Variants in SUSD4 observed in about 807,000 individuals in gnomAD.
The protein encoded by SUSD4 is sushi domain containing 4.
A neutral mutation model predicts 50.5 loss-of-function variants in SUSD4; 41 were observed. The observed-to-expected ratio is 0.81, with a 90% confidence interval of 0.63 to 1.05. The LOEUF (loss-of-function observed/expected upper bound fraction) is 1.05, where lower values mean the gene tolerates loss of function less well. SUSD4 is among the 50% of genes least tolerant of loss of function. The probability of loss-of-function intolerance (pLI) is 0.00; values close to 1 mark genes in which losing one functional copy is unlikely to be tolerated. For synonymous variants in SUSD4, 257 were observed against 257.3 expected (o/e 1.00, Z 0.01); for missense variants, 580 against 634.7 (o/e 0.91, Z 0.93).
Position 223,360,705 on chromosome 1 carries a change from G to A in SUSD4, c.148+2573C>T, listed in dbSNP as rs533319447. On this transcript the variant is annotated intron_variant, in intron 2 of 8. Transcript: ENST00000366878. Reference sequence around the variant, plus strand: ...GCTTTTTTTTTCTCCTAGCTGAGACGATTATATCTTGCCATTGCGGTGTTC... The same window carrying A: ...GCTTTTTTTTTCTCCTAGCTGAGACAATTATATCTTGCCATTGCGGTGTTC... Among the ~76,000 whole-genome samples the A allele has an allele frequency of 1.2e-4, 18 of 151,870 alleles. 1 individual carries two copies. The highest frequency in any genetic ancestry group is 4.6e-4 in the Admixed American group (7 of 15,274).
upstream of SUSD4, chr1:223,364,219 T>A (rs1042024040): frequency 4.0e-5 from 6 of 148,718 alleles, no homozygotes; most frequent in Admixed American, 1.3e-4. The surrounding 1 kb of genome is among the most constrained non-coding windows in gnomAD (Gnocchi z 4.5). Flanking sequence ...GCGCGCTCCC[T>A]CCCCAGGCGC....
chr1:223,363,437 A>G lies in SUSD4; in HGVS notation c.-12T>C, dbSNP rs567117963. 6.5e-6 allele frequency: 10 copies of G among 1,537,108 alleles called. No individual in the cohort carries two copies. In the South Asian group the frequency reaches 1.2e-4, roughly 19 times the overall value. ...ATTCCATGATACATCTTTCATCCACAGAGGGCATCCAGCTTGCAAGAGTCT... is the reference window on the plus strand; with the variant it reads ...ATTCCATGATACATCTTTCATCCACGGAGGGCATCCAGCTTGCAAGAGTCT... On this transcript the variant is annotated 5_prime_UTR_variant, in exon 2 of 9. Transcript: ENST00000366878.
chr1:223,357,379 C>T (rs1478257656), intron 2 of SUSD4, among the ~76,000 whole-genome samples: 1 of 151,960 alleles, frequency 6.6e-6, no homozygotes, highest in Non-Finnish European at 1.5e-5. Context: ...AAATACAATA[C>T]AAAGAAAAAA....
intron 2 of SUSD4, among the ~76,000 whole-genome samples, chr1:223,330,912 G>T (rs1012436429): frequency 6.6e-6 from 1 of 152,150 alleles, no homozygotes; most frequent in Non-Finnish European, 1.5e-5. Flanking sequence ...ATGGAAGGAT[G>T]GCAGAGAGAA....
intron 7 of SUSD4, among the ~76,000 whole-genome samples, chr1:223,224,791 C>G (rs1659388077): frequency 6.6e-6 from 1 of 152,130 alleles, no homozygotes; most frequent in Non-Finnish European, 1.5e-5. Flanking sequence ...CGTGTGACCC[C>G]CATACTCTGC....
chr1:223,346,011 C>A (rs1043998663), intron 2 of SUSD4, among the ~76,000 whole-genome samples: 17 of 152,174 alleles, frequency 1.1e-4, no homozygotes, highest in African/African-American at 3.4e-4. Flanking sequence ...AGGCCAATCA[C>A]CCTAGGGCAG....
chr1:223,282,402 A>C (rs553531776), intron 3 of SUSD4, among the ~76,000 whole-genome samples: 85 of 152,358 alleles, frequency 5.6e-4, no homozygotes, highest in African/African-American at 2.0e-3. Flanking sequence ...CTCAGGATAC[A>C]AAATCAATAT....
At chr1:223,307,024 A>G (rs988622569) in intron 2 of SUSD4, among the ~76,000 whole-genome samples, 3 of 149,364 alleles carry the variant, frequency 2.0e-5, no homozygotes, top group African/African-American at 7.4e-5. Context: ...TTTACAAATT[A>G]TTTTAAGTAT....
intron 2 of SUSD4, among the ~76,000 whole-genome samples, chr1:223,340,515 T>C (rs1270248247): frequency 7.9e-5 from 12 of 151,790 alleles, no homozygotes; most frequent in Admixed American, 7.9e-4. Context: ...GCTTTGAGAG[T>C]AGTGTGCCAC....
At chr1:223,275,613 G>A (rs1323848551) in intron 3 of SUSD4, among the ~76,000 whole-genome samples, 1 of 152,200 alleles carries the variant, frequency 6.6e-6, no homozygotes. Context: ...TCCACAACAT[G>A]AGAATCACCT....
At chr1:223,257,768 C>G (rs1007560061) in intron 5 of SUSD4, among the ~76,000 whole-genome samples, 2 of 152,160 alleles carry the variant, frequency 1.3e-5, no homozygotes, top group African/African-American at 4.8e-5. Flanking sequence ...GGGCAGGGAG[C>G]TGAGAGACCC....
At chr1:223,316,715 C>G (rs1666210494) in intron 2 of SUSD4, among the ~76,000 whole-genome samples, 1 of 152,116 alleles carries the variant, frequency 6.6e-6, no homozygotes, top group African/African-American at 2.4e-5. Flanking sequence ...CATTTTATAA[C>G]CAAGGAGACA....
intron 2 of SUSD4, among the ~76,000 whole-genome samples, chr1:223,324,578 A>G (rs1213042402): frequency 6.6e-6 from 1 of 151,812 alleles, no homozygotes; most frequent in Admixed American, 6.6e-5. Flanking sequence ...GTAAGACACA[A>G]ATGCACTTTG....
chr1:223,299,231 A>G (rs825120), intron 2 of SUSD4, among the ~76,000 whole-genome samples: 152,261 of 152,336 alleles, frequency 1, 76,094 homozygotes, highest in Non-Finnish European at 1. Flanking sequence ...TAAGGAGTGG[A>G]CTGGTGTAGG....
intron 5 of SUSD4, among the ~76,000 whole-genome samples, chr1:223,244,239 C>A (rs1660773336): frequency 6.6e-6 from 1 of 152,174 alleles, no homozygotes. Flanking sequence ...TATGCTGGTA[C>A]TAGCAGGGGA....
chr1:223,306,190 A>T (rs1050180360), intron 2 of SUSD4, among the ~76,000 whole-genome samples: 1 of 152,106 alleles, frequency 6.6e-6, no homozygotes, highest in African/African-American at 2.4e-5. Flanking sequence ...AAATCCTTTC[A>T]CTCAGTTTCA....
At chr1:223,301,156 T>A (rs1665166850) in intron 2 of SUSD4, among the ~76,000 whole-genome samples, 1 of 152,172 alleles carries the variant, frequency 6.6e-6, no homozygotes, top group South Asian at 2.1e-4. Context: ...AAAGAACAGT[T>A]TAACATGTTT....
intron 2 of SUSD4, among the ~76,000 whole-genome samples, chr1:223,295,712 G>A (rs1469480257): frequency 4.6e-5 from 7 of 152,094 alleles, no homozygotes; most frequent in Non-Finnish European, 8.8e-5. Flanking sequence ...AAGGCAGACT[G>A]TGGAAGCTTT....
rs1669130458 is a variant in SUSD4, at chr1:223,363,536, G to A, written c.-35-76C>T. On this transcript the variant is annotated intron_variant, in intron 1 of 8. Transcript: ENST00000366878. ...GGCCACGCTCCCCCTCCTCCGCTCTGGGACCCGGCGCCTCGGCTTCCCAGG... is the reference window on the plus strand; with the variant it reads ...GGCCACGCTCCCCCTCCTCCGCTCTAGGACCCGGCGCCTCGGCTTCCCAGG... The A allele has an allele frequency of 2.2e-6, 3 of 1,346,960 alleles. No homozygotes were observed. In the South Asian group the frequency reaches 5.9e-5, roughly 26 times the overall value. 83.4% of individuals were successfully genotyped at this position (1,346,960 alleles called of 1,614,324 possible). A position where few individuals can be genotyped will look rare whatever the true frequency, so the allele number is the denominator to read the frequency against.
Sources: gnomAD v4.1 joint callset for allele counts (sites outside exome capture counted in the v4.1 genomes callset) on GRCh38, gnomAD v4.1.1 for gene constraint, Gnocchi (gnomAD v3.1) non-coding constraint, MANE v1.5 for transcripts, NCBI Gene and HGNC (gene_info 2026-07-23, HGNC 2026-07-21) for gene names.